TEC: variants seen among roughly 807,000 people sequenced by gnomAD.
The protein encoded by TEC is tec protein tyrosine kinase, also known as tyrosine-protein kinase Tec.
In TEC, 72 loss-of-function variants were observed where a neutral mutation model predicts 93.0. The ratio of observed to expected loss-of-function variants is 0.77; its 90% CI spans 0.64 to 0.94. The LOEUF (loss-of-function observed/expected upper bound fraction) is 0.94, where lower values mean the gene tolerates loss of function less well. Among genes scored for constraint, TEC ranks in the 40% least tolerant of loss-of-function variants. TEC has a pLI of 0.00. For missense variants in TEC, 630 were observed against 757.9 expected (o/e 0.83, Z 1.98); for synonymous variants, 249 against 247.7 (o/e 1.01, Z -0.05).
intron 7 of TEC, among the ~76,000 whole-genome samples, chr4:48,165,858 T>G (rs539786613): frequency 5.6e-4 from 85 of 152,298 alleles, no homozygotes; most frequent in Middle Eastern, 3.4e-3. Context: ...GTATTAGAGC[T>G]AATCGGGGAA....
intron 11 of TEC, among the ~76,000 whole-genome samples, chr4:48,147,609 C>T (rs1719971471): frequency 6.6e-6 from 1 of 152,152 alleles, no homozygotes; most frequent in Non-Finnish European, 1.5e-5. Flanking sequence ...TGAAGCATGA[C>T]TTTCTAATAC....
In TEC at chr4:48,145,242, T is replaced by G; in HGVS notation, c.1307A>C (p.Lys436Thr). ...GAACTCAGTAACAATGTATATTGGT[T>G]TCTGCTGGGTGCACACACCATAAAG... The part of the protein sequence containing the change: ...VQLYGVCTQQ[K>T]PIYIVTEFME... Residue 436 changes from lysine to threonine, a missense_variant, in exon 14 of 18, where the codon AAA becomes ACA. By Grantham distance (78) the Lys-to-Thr change is moderately conservative. This residue lies in a region of TEC where 289 missense variants were observed against 390.0 expected (regional missense o/e 0.74). Coordinates refer to ENST00000381501, the MANE Select transcript of TEC (RefSeq NM_003215.3). 2 of 1,614,162 alleles carry G rather than the reference T, an allele frequency of 1.2e-6. No individual in the cohort carries two copies. The highest frequency in any genetic ancestry group is 1.7e-6 in the Non-Finnish European group (2 of 1,180,026).
chr4:48,214,312 G>A (rs1723003101), intron 2 of TEC, among the ~76,000 whole-genome samples: 1 of 152,176 alleles, frequency 6.6e-6, no homozygotes, highest in African/African-American at 2.4e-5. Context: ...GGTGTACAAA[G>A]CCTCCCACTT....
intron 15 of TEC, among the ~76,000 whole-genome samples, chr4:48,140,694 A>C (rs970043416): frequency 6.6e-6 from 1 of 152,196 alleles, no homozygotes; most frequent in Non-Finnish European, 1.5e-5. Flanking sequence ...TTGGAATTTC[A>C]GATTTTTTTT....
At chr4:48,229,002 C>T (rs1306563971) in intron 1 of TEC, among the ~76,000 whole-genome samples, 6 of 152,194 alleles carry the variant, frequency 3.9e-5, no homozygotes, top group African/African-American at 1.2e-4. Context: ...AAGCACATTT[C>T]GTCACCTGTG....
At position 48,228,506 on chromosome 4, in the gene TEC, T is replaced by C. The variant is rs1166244762; in HGVS notation, c.109A>G (p.Met37Val). 2 of 1,612,234 alleles carry C rather than the reference T, an allele frequency of 1.2e-6. No homozygotes were observed. The highest frequency in any genetic ancestry group is 1.1e-5 in the South Asian group (1 of 90,842). ...GCTCGACCCTCATAGTAGGTTAGCA[T>C]GGACTTTGTAAGTACAAAAAGTCTC... The part of the protein sequence containing the change: ...KERLFVLTKS[M>V]LTYYEGRAEK... Residue 37 changes from methionine (M) to valine (V), a missense_variant, in exon 2 of 18, where the codon ATG (methionine) becomes GTG (valine). Met to Val is a conservative substitution (Grantham distance 21, BLOSUM62 1). This residue lies in a region of TEC where 335 missense variants were observed against 351.5 expected (regional missense o/e 0.95). Coordinates refer to ENST00000381501, the MANE Select transcript of TEC (RefSeq NM_003215.3).
chr4:48,169,647 C>T (rs958076310), intron 5 of TEC, among the ~76,000 whole-genome samples: 2 of 152,166 alleles, frequency 1.3e-5, no homozygotes, highest in Admixed American at 1.3e-4. Context: ...TATATCCAAT[C>T]ATTACTATGG....
At chr4:48,235,103 A>G (rs1000864951) in intron 1 of TEC, among the ~76,000 whole-genome samples, 4 of 152,216 alleles carry the variant, frequency 2.6e-5, no homozygotes, top group African/African-American at 9.6e-5. Flanking sequence ...AGTAACATCA[A>G]GTTACTTCAG....
chr4:48,140,272 T>C (rs968430750), intron 15 of TEC, among the ~76,000 whole-genome samples: 1 of 152,216 alleles, frequency 6.6e-6, no homozygotes, highest in South Asian at 2.1e-4. Flanking sequence ...CCTGGCGCTT[T>C]TTCCGTTCCT....
intron 15 of TEC, among the ~76,000 whole-genome samples, chr4:48,140,536 G>A (rs1268106477): frequency 6.6e-6 from 1 of 152,134 alleles, no homozygotes; most frequent in Non-Finnish European, 1.5e-5. Context: ...TAAAGGGCCA[G>A]ATAACACATA....
intron 17 of TEC, among the ~76,000 whole-genome samples, chr4:48,138,115 A>C (rs1293939512): frequency 6.6e-6 from 1 of 152,202 alleles, no homozygotes; most frequent in African/African-American, 2.4e-5. Context: ...TCATCTACAG[A>C]GTGGCTACAG....
chr4:48,196,639 G>T (rs1722310221), intron 2 of TEC, among the ~76,000 whole-genome samples: 1 of 152,154 alleles, frequency 6.6e-6, no homozygotes, highest in Non-Finnish European at 1.5e-5. Flanking sequence ...TAGACTCCAA[G>T]AAAGATCTTC....
At chr4:48,159,325 G>A (rs781106723) in intron 8 of TEC, among the ~76,000 whole-genome samples, 1 of 152,316 alleles carries the variant, frequency 6.6e-6, no homozygotes, top group African/African-American at 2.4e-5. Context: ...CGAAGATGAA[G>A]GGAGCTGGCG....
At chr4:48,260,189 A>G (rs139842290) in intron 1 of TEC, among the ~76,000 whole-genome samples, 9 of 152,326 alleles carry the variant, frequency 5.9e-5, no homozygotes, top group South Asian at 2.1e-4. Context: ...TTGTCCTCAC[A>G]TAACAGAGAC....
chr4:48,190,790 A>T (rs1722066362), intron 2 of TEC, among the ~76,000 whole-genome samples: 2 of 152,246 alleles, frequency 1.3e-5, no homozygotes, highest in South Asian at 4.1e-4. Flanking sequence ...GCAAATGTAA[A>T]TGATGGGAAA....
chr4:48,263,178 G>A (rs1046325401), intron 1 of TEC, among the ~76,000 whole-genome samples: 2 of 152,154 alleles, frequency 1.3e-5, no homozygotes, highest in African/African-American at 4.8e-5. Flanking sequence ...CACATTCCAA[G>A]GAGGGCACAA....
At chr4:48,258,145 G>GTTT (rs56341256) in intron 1 of TEC, among the ~76,000 whole-genome samples, 14,977 of 139,786 alleles carry the variant, frequency 0.11, 939 homozygotes, top group South Asian at 0.18. Context: ...TGTTTTTTTG[G>GTTT]TTTTTTTTTT....
intron 1 of TEC, among the ~76,000 whole-genome samples, chr4:48,264,706 G>A (rs929078332): frequency 6.7e-6 from 1 of 150,196 alleles, no homozygotes; most frequent in Admixed American, 6.7e-5. Flanking sequence ...GCATCATATC[G>A]GCTCACTACA....
At chr4:48,267,453 G>A (rs149663813) in intron 1 of TEC, among the ~76,000 whole-genome samples, 81 of 152,254 alleles carry the variant, frequency 5.3e-4, no homozygotes, top group African/African-American at 1.7e-3. Flanking sequence ...CTTCCTTCTG[G>A]GTTGTTTCTT....
Sources: allele counts gnomAD v4.1 joint callset (sites outside exome capture counted in the v4.1 genomes callset), GRCh38; gene constraint gnomAD v4.1.1; regional missense constraint gnomAD v4.1.1; transcripts MANE v1.5; gene names NCBI Gene and HGNC (gene_info 2026-07-23, HGNC 2026-07-21).